ZFYVE26: variants seen among roughly 807,000 people sequenced by gnomAD.
ZFYVE26 encodes zinc finger FYVE domain-containing protein 26.
A neutral mutation model predicts 276.5 loss-of-function variants in ZFYVE26; 181 were observed. The observed-to-expected ratio is 0.65, with a 90% CI of 0.58 to 0.74. The LOEUF is 0.74. Among genes scored for constraint, ZFYVE26 ranks in the 30% least tolerant of loss-of-function variants. The pLI is 0.00. For synonymous variants in ZFYVE26, 1,129 were observed against 1,203.1 expected (o/e 0.94, Z 1.27); for missense variants, 2,821 against 3,097.9 (o/e 0.91, Z 2.12).
In ZFYVE26 at chr14:67,748,315, T is replaced by C; in HGVS notation, c.*121A>G. On this transcript the variant is annotated 3_prime_UTR_variant, in exon 42 of 42. Transcript: ENST00000347230. The stretch of plus-strand genomic sequence containing the variant: ...AGGCAAGTAGGGTCCAATCCAACTC[T>C]TTCCAACCTAGGGCAGAGCCAGAGA... The C allele has an allele frequency of 1.7e-6, 2 of 1,187,668 alleles. No homozygotes were observed. The highest frequency in any genetic ancestry group is 2.4e-6 in the Non-Finnish European group (2 of 847,298). The allele number at this position is 1,187,668 out of a possible 1,614,324, so 73.6% of individuals were successfully genotyped here. A position where few individuals can be genotyped will look rare whatever the true frequency, so the allele number is the denominator to read the frequency against.
chr14:67,749,291 C>T (rs1221814268), intron 41 of ZFYVE26, among the ~76,000 whole-genome samples: 1 of 152,168 alleles, frequency 6.6e-6, no homozygotes, highest in Non-Finnish European at 1.5e-5. Flanking sequence ...AAGACACACA[C>T]ACACGATTGG....
intron 3 of ZFYVE26, among the ~76,000 whole-genome samples, chr14:67,812,980 C>T (rs1257564432): frequency 6.6e-6 from 1 of 152,106 alleles, no homozygotes; most frequent in Non-Finnish European, 1.5e-5. Flanking sequence ...ACTAGTCTTT[C>T]TGTCATTTTT....
rs2140219045 is a variant in ZFYVE26 at position 67,780,328 on chromosome 14, A to G, written c.4587T>C (p.Ser1529=). Residue 1529 remains serine (S), a synonymous_variant, in exon 23 of 42, where the codon TCT becomes TCC. Transcript: ENST00000347230. The part of the protein sequence containing the change: ...QVYQKILGLQ[S]PPVWCDWQTL... ...TCTGCCAGTCACACCACACTGGGGG[A>G]GACTGCAAACCCAGAATCTAAGGAA... 1 of 1,613,704 alleles carries G rather than the reference A, an allele frequency of 6.2e-7. No homozygotes were observed. The highest frequency in any genetic ancestry group is 8.5e-7 in the Non-Finnish European group (1 of 1,179,878).
Position 67,777,594 on chromosome 14 carries a change from G to A in ZFYVE26, c.4939C>T (p.His1647Tyr). The A allele has an allele frequency of 5.0e-6, 8 of 1,614,138 alleles. No homozygotes were observed. The highest frequency in any genetic ancestry group is 6.8e-6 in the Non-Finnish European group (8 of 1,180,038). ...ACATACAGCGCCTGGATTTCACGGTGTCGGACAGCAGTCAGTTGTCCATAG... is the reference window on the plus strand; with the variant it reads ...ACATACAGCGCCTGGATTTCACGGTATCGGACAGCAGTCAGTTGTCCATAG... ...HFYGQLTAVR[H>Y]REIQALYVGS... Residue 1647 changes from histidine (H) to tyrosine (Y), a missense_variant, in exon 25 of 42, where the codon CAC becomes TAC. Transcript: ENST00000347230.
At position 67,777,675 on chromosome 14, in the gene ZFYVE26, G is replaced by C; in HGVS notation, c.4858C>G (p.Gln1620Glu). 6.2e-7 allele frequency: 1 copy of C among 1,614,160 alleles called. No individual in the cohort carries two copies. The highest frequency in any genetic ancestry group is 8.5e-7 in the Non-Finnish European group (1 of 1,180,032). Residue 1620 changes from glutamine (Q) to glutamate (E), a missense_variant, in exon 25 of 42, where the codon CAG becomes GAG. Transcript: ENST00000347230. ...TGAGAAGTGGCCAAGCTAGTGTGCT[G>C]GTCGAGGGATTGCTCTGTCACTTCA... is the stretch of plus-strand genomic sequence containing the variant. ...CLEVTEQSLDQHTSLATSHFL... is the reference protein window; with the variant it reads ...CLEVTEQSLDEHTSLATSHFL...
Position 67,804,134 on chromosome 14 carries a change from T to C in ZFYVE26, c.1402A>G (p.Lys468Glu), listed in dbSNP as rs2040130854. ...TGCTGGGGGTCCTTGGCTGGCACTT[T>C]CTGTAAGAGCTTGAGAACATCTTCC... The part of the protein sequence containing the change: ...REEDVLKLLQ[K>E]VPAKDPQQEP... The change falls in exon 9 of 42, where the codon AAA becomes GAA. Residue 468 changes from lysine to glutamate, a missense_variant. Lys to Glu is a moderately conservative substitution (Grantham distance 56, BLOSUM62 1). Transcript: ENST00000347230. 2 of 1,614,048 alleles carry C rather than the reference T, an allele frequency of 1.2e-6. No individual in the cohort carries two copies. The highest frequency in any genetic ancestry group is 2.2e-5 in the East Asian group (1 of 44,894).
intron 13 of ZFYVE26, chr14:67,735,387 C>G: frequency 1.5e-6 from 1 of 687,038 alleles, no homozygotes. Flanking sequence ...GGCCTCTTGT[C>G]ATGTTTCCAG....
chr14:67,795,432 C>T (rs899096703), intron 12 of ZFYVE26, among the ~76,000 whole-genome samples: 1 of 152,242 alleles, frequency 6.6e-6, no homozygotes, highest in Admixed American at 6.5e-5. Context: ...GCCCTGACAT[C>T]TGCAGGTCAT....
At chr14:67,759,041 C>T (rs930971588) in intron 35 of ZFYVE26, among the ~76,000 whole-genome samples, 4 of 150,528 alleles carry the variant, frequency 2.7e-5, no homozygotes, top group African/African-American at 9.8e-5. Context: ...AGATTGAGAC[C>T]ATCCTGGCTA....
intron 10 of ZFYVE26, 109 bp from the exon 11 acceptor site, chr14:67,798,731 T>A: frequency 7.2e-7 from 1 of 1,396,794 alleles, no homozygotes; most frequent in Non-Finnish European, 9.9e-7. Context: ...TTAGCTCATT[T>A]ATTTATTTTT....
chr14:67,782,828 C>T lies in ZFYVE26; in HGVS notation c.4324G>A (p.Asp1442Asn), dbSNP rs534497092. The T allele has an allele frequency of 2.1e-4, 333 of 1,614,236 alleles. 6 individuals are homozygous for T. The South Asian group carries it at 3.1e-3, about 15-fold the overall frequency. The change falls in exon 21 of 42, where the codon GAT becomes AAT. Residue 1442 changes from aspartate (D) to asparagine (N), a missense_variant. Coordinates refer to ENST00000347230, the MANE Select transcript of ZFYVE26 (RefSeq NM_015346.4). ...LTEVYGRDVD[D>N]LSSIKDAVLS... is the part of the protein sequence containing the mutation. ...ACTGCATCCTTTATGCTGCTCAAAT[C>T]GTCCACATCTCGCCCGTACACTTCA...
intron 3 of ZFYVE26, among the ~76,000 whole-genome samples, chr14:67,809,663 C>T (rs1594940436): frequency 6.6e-6 from 1 of 152,014 alleles, no homozygotes; most frequent in South Asian, 2.1e-4. Flanking sequence ...CTCAAGTGTT[C>T]CACTCACCTC....
Position 67,767,860 on chromosome 14 carries a change from T to C in ZFYVE26, c.5654-20A>G. The C allele has an allele frequency of 6.2e-7, 1 of 1,614,112 alleles. No homozygotes were observed. The highest frequency in any genetic ancestry group is 8.5e-7 in the Non-Finnish European group (1 of 1,179,996). ...CTAGAGCTGAGAAGAGAAATGCCATTCATGTGTCATTCACTGGCTGGCAGT... is the reference window on the plus strand; with the variant it reads ...CTAGAGCTGAGAAGAGAAATGCCATCCATGTGTCATTCACTGGCTGGCAGT... On this transcript the variant is annotated intron_variant, in intron 30 of 41. Transcript: ENST00000347230.
chr14:67,744,692 C>T (rs2038460496), downstream of ZFYVE26, among the ~76,000 whole-genome samples: 2 of 152,194 alleles, frequency 1.3e-5, no homozygotes, highest in African/African-American at 4.8e-5. Context: ...TGTTAGTTTG[C>T]TGAGAATGAT....
At chr14:67,751,592 G>T in intron 40 of ZFYVE26, 1 of 227,274 alleles carries the variant, frequency 4.4e-6, no homozygotes, top group Admixed American at 5.2e-5. Flanking sequence ...CAAGAAAGAA[G>T]GCCAGGTGCA....
intron 27 of ZFYVE26, among the ~76,000 whole-genome samples, chr14:67,773,553 G>GACACACACA (rs1555395765): frequency 1.5e-5 from 2 of 136,966 alleles, no homozygotes; most frequent in African/African-American, 2.8e-5. Flanking sequence ...AAAAAAAGGC[G>GACACACACA]CACACACACA....
At position 67,798,545 on chromosome 14, in the gene ZFYVE26, C is replaced by G. The variant is rs2040009137; in HGVS notation, c.1717G>C (p.Glu573Gln). 2 of 1,614,096 alleles carry G rather than the reference C, an allele frequency of 1.2e-6. No individual in the cohort carries two copies. Among genetic ancestry groups the G allele is most frequent in the Non-Finnish European group, 8.5e-7 (1 of 1,180,026 alleles). Residue 573 changes from glutamate (E) to glutamine (Q), a missense_variant, in exon 11 of 42, where the codon GAG becomes CAG. Glu to Gln is a conservative substitution (Grantham distance 29). Coordinates refer to ENST00000347230, the MANE Select transcript of ZFYVE26 (RefSeq NM_015346.4). ...LCSIPDSLCL[E>Q]LLENIFSLLL... ...AATGAGAAGATGTTTTCCAGAAGCT[C>G]CAGGCACAGAGAGTCAGGAATACTG...
At chr14:67,794,977 C>T (rs145440576) in intron 12 of ZFYVE26, among the ~76,000 whole-genome samples, 1 of 152,124 alleles carries the variant, frequency 6.6e-6, no homozygotes, top group Non-Finnish European at 1.5e-5. Context: ...GAACCAAAGT[C>T]TAAGACCTGG....
At chr14:67,809,123 C>G (rs1187492133) in intron 4 of ZFYVE26, 77 bp downstream of exon 4, 2 of 1,277,532 alleles carry the variant, frequency 1.6e-6, no homozygotes, top group Non-Finnish European at 2.3e-6. Context: ...GGAGACCTCT[C>G]TCTTCTGGGT....
Sources: gnomAD v4.1 joint callset for allele counts (sites outside exome capture counted in the v4.1 genomes callset) on GRCh38, gnomAD v4.1.1 for gene constraint, MANE v1.5 for transcripts, NCBI Gene and HGNC (gene_info 2026-07-23, HGNC 2026-07-21) for gene names.